The following EVC2 variants were observed in gnomAD, a reference collection of about 807,000 sequenced individuals.
The protein encoded by EVC2 is limbin.
EVC2 carries 148 observed loss-of-function variants against 149.3 expected under a neutral mutation model. That is an observed-to-expected ratio of 0.99 (90% confidence interval 0.87 to 1.14). The LOEUF (loss-of-function observed/expected upper bound fraction) is 1.14, where lower values mean the gene tolerates loss of function less well. Among genes scored for constraint, EVC2 ranks in the 50% most tolerant of loss-of-function variants. The pLI, the probability that EVC2 is intolerant of heterozygous loss-of-function variation, is 0.00. For missense variants in EVC2, 1,854 were observed against 1,627.3 expected, an observed-to-expected ratio of 1.14 and a Z score of -2.40; for synonymous variants, 776 against 649.9, an observed-to-expected ratio of 1.19 and a Z score of -2.95.
intron 17 of EVC2, among the ~76,000 whole-genome samples, chr4:5,582,434 GC>G (rs1355441705): frequency 6.6e-6 from 1 of 152,218 alleles, no homozygotes; most frequent in Non-Finnish European, 1.5e-5. Context: ...CTTGCCTGGG[GC>G]CTATAGCCCC....
At chr4:5,628,867 T>C in intron 11 of EVC2, 133 bp from the exon 12 acceptor site, 1 of 904,900 alleles carries the variant, frequency 1.1e-6, no homozygotes. Flanking sequence ...ATTAACACCT[T>C]TAACCTCCCT....
rs28708753 is a variant in EVC2 at position 5,544,608 on chromosome 4, C to A, written c.3420-1396G>T. On this transcript the variant is annotated intron_variant and NMD_transcript_variant, in intron 21 of 22. Coordinates refer to the EVC2 transcript ENST00000475313. Reference sequence around the variant, plus strand: ...GAGGGAAGAGTAGACTCCCATAATTCAAAAAAAATGAAACAGCTTCAGGAC... The same window carrying A: ...GAGGGAAGAGTAGACTCCCATAATTAAAAAAAAATGAAACAGCTTCAGGAC... Among the ~76,000 whole-genome samples the A allele has an allele frequency of 3.3e-3, 500 of 151,958 alleles. 3 individuals carry two copies. The highest frequency in any genetic ancestry group is 0.011 in the African/African-American group (461 of 41,460).
Position 5,696,080 on chromosome 4 carries a change from G to C in EVC2, c.283+1513C>G, listed in dbSNP as rs1721458936. ...CTCCACCAGGTGAGCGGCTGATTCAGAGCATCGGGAATGTCTGAGTAGAGC... is the reference window on the plus strand; with the variant it reads ...CTCCACCAGGTGAGCGGCTGATTCACAGCATCGGGAATGTCTGAGTAGAGC... On this transcript the variant is annotated intron_variant, in intron 2 of 21. Transcript: ENST00000344408. This position sits in a 1 kb window ranked among gnomAD's most constrained non-coding sequence, Gnocchi z 4.1. Among the ~76,000 whole-genome samples the C allele has an allele frequency of 6.6e-6, 1 of 152,152 alleles. No homozygotes were observed. Among genetic ancestry groups the C allele is most frequent in the African/African-American group, 2.4e-5 (1 of 41,436 alleles).
chr4:5,708,824 C>T (rs1722391614), upstream of EVC2: 2 of 282,318 alleles, frequency 7.1e-6, no homozygotes, highest in Admixed American at 1.1e-4. Flanking sequence ...TCCGCTACCG[C>T]CTACCTGGGT....
chr4:5,538,749 A>G (rs1293498529), downstream of EVC2, among the ~76,000 whole-genome samples: 2 of 152,320 alleles, frequency 1.3e-5, no homozygotes, highest in East Asian at 3.9e-4. Flanking sequence ...ATGGGGAAAA[A>G]GCATTTGACA....
rs540083631 is a variant in EVC2 at position 5,622,051 on chromosome 4, C to T, written c.2501+486G>A. Among the ~76,000 whole-genome samples the T allele has an allele frequency of 5.9e-5, 9 of 151,818 alleles. No homozygotes were observed. The highest frequency in any genetic ancestry group is 1.3e-4 in the Admixed American group (2 of 15,258). On this transcript the variant is annotated intron_variant, in intron 14 of 21. Coordinates refer to ENST00000344408, the MANE Select transcript of EVC2 (RefSeq NM_147127.5). This position sits in a 1 kb window ranked among gnomAD's most constrained non-coding sequence, Gnocchi z 5.8. The stretch of plus-strand genomic sequence containing the variant: ...ATGCAGTGTGGTGGAAGAACTAACA[C>T]GAAGGTCAAGATCATGAGCAGCCTT...
At chr4:5,559,537 A>T (rs1721899885), downstream of EVC2, among the ~76,000 whole-genome samples, 1 of 152,152 alleles carries the variant, frequency 6.6e-6, no homozygotes, top group Non-Finnish European at 1.5e-5. The surrounding 1 kb of genome is among the most constrained non-coding windows in gnomAD (Gnocchi z 5.0). Flanking sequence ...AGGGAATATA[A>T]ACGATGCGAA....
chr4:5,541,672 C>G (rs1050034845), downstream of EVC2, among the ~76,000 whole-genome samples: 3 of 152,134 alleles, frequency 2.0e-5, no homozygotes, highest in Non-Finnish European at 4.4e-5. Flanking sequence ...ACTCGGCATC[C>G]CAGGCCTCGC....
At chr4:5,532,138 C>T in the EVC2 span, among the ~76,000 whole-genome samples, 1 of 152,122 alleles carries the variant, frequency 6.6e-6, no homozygotes, top group East Asian at 1.9e-4. Context: ...TAGAGATTTA[C>T]TTTAAGGAGG....
chr4:5,646,745 T>C (rs754540718), intron 9 of EVC2, among the ~76,000 whole-genome samples: 1 of 152,194 alleles, frequency 6.6e-6, no homozygotes, highest in Non-Finnish European at 1.5e-5. Context: ...AAAACTTTTC[T>C]CAGCTTCCTG....
chr4:5,545,950 A>G (rs569070384), intron 21 of EVC2, among the ~76,000 whole-genome samples: 1 of 152,336 alleles, frequency 6.6e-6, no homozygotes, highest in East Asian at 1.9e-4. Flanking sequence ...GCAGCCACAA[A>G]ACACATGAAA....
At chr4:5,675,226 TAA>T (rs1719913145) in intron 7 of EVC2, among the ~76,000 whole-genome samples, 1 of 152,254 alleles carries the variant, frequency 6.6e-6, no homozygotes, top group South Asian at 2.1e-4. Context: ...GTGCTGTTTT[TAA>T]AGTTTGCAAC....
At chr4:5,697,555 C>G (rs752762633) in intron 2 of EVC2, 38 bp downstream of exon 2, 15 of 1,610,832 alleles carry the variant, frequency 9.3e-6, no homozygotes, top group South Asian at 2.2e-5. Flanking sequence ...GTTTTTCATG[C>G]TCAAAACAGG....
chr4:5,689,293 GT>G lies in EVC2; in HGVS notation c.569del (p.Asn190ThrfsTer88). The part of the protein sequence containing the change: ...AQTARIWLLV[N>X]NTKTTSSANL... ...TGGCTGACGAGGTTGTCTTGGTGTTGTTAACAAGCAGCCATATGCGGGCTGT... is the reference window on the plus strand; with the variant it reads ...TGGCTGACGAGGTTGTCTTGGTGTTGTAACAAGCAGCCATATGCGGGCTGT... On this transcript the variant is annotated frameshift_variant, in exon 5 of 22. Coordinates refer to ENST00000344408, the MANE Select transcript of EVC2 (RefSeq NM_147127.5). LOFTEE classifies it high-confidence loss of function. 6.2e-7 allele frequency: 1 copy of G among 1,614,176 alleles called. No individual in the cohort carries two copies. The highest frequency in any genetic ancestry group is 8.5e-7 in the Non-Finnish European group (1 of 1,180,044).
Position 5,640,934 on chromosome 4 carries a change from C to T in EVC2, c.1146-96G>A. On this transcript the variant is annotated intron_variant, in intron 9 of 21. Transcript: ENST00000344408. The surrounding 1 kb of genome is among the most constrained non-coding windows in gnomAD (Gnocchi z 4.6). ...TCTGAGGTTTTCATTTATGTGTAGG[C>T]AAGGGCTTTCTTCGTCTTCCTTTTC... The T allele has an allele frequency of 2.1e-6, 3 of 1,398,152 alleles. No individual in the cohort carries two copies. Among genetic ancestry groups the T allele is most frequent in the Non-Finnish European group, 3.0e-6 (3 of 993,558 alleles). The allele number at this position is 1,398,152 out of a possible 1,614,324, so 86.6% of individuals were successfully genotyped here.
At chr4:5,574,412 T>C (rs1378111339) in intron 19 of EVC2, among the ~76,000 whole-genome samples, 1 of 152,180 alleles carries the variant, frequency 6.6e-6, no homozygotes, top group Non-Finnish European at 1.5e-5. Context: ...TAGTTAAAGA[T>C]TGAGAAGAAG....
chr4:5,582,726 C>T (rs1711912361), intron 17 of EVC2, among the ~76,000 whole-genome samples: 1 of 151,924 alleles, frequency 6.6e-6, no homozygotes, highest in Admixed American at 6.6e-5. Context: ...AATTGTAATC[C>T]CCAATGTTGC....
rs536369306 is a variant in EVC2, at chr4:5,546,329, G to A, written c.3420-3117C>T. 1.0e-3 allele frequency among the ~76,000 whole-genome samples: 154 copies of A among 152,256 alleles called. 1 individual carries two copies. Among genetic ancestry groups the A allele is most frequent in the African/African-American group, 3.7e-3 (153 of 41,548 alleles). ...GGAACCAACCTAAATGTCCAACAACGATAGACTGGATTAAGGAAACGTGGC... is the reference window on the plus strand; with the variant it reads ...GGAACCAACCTAAATGTCCAACAACAATAGACTGGATTAAGGAAACGTGGC... On this transcript the variant is annotated intron_variant and NMD_transcript_variant, in intron 21 of 22. Transcript: ENST00000475313.
chr4:5,608,768 A>C (rs1171302557), intron 16 of EVC2, among the ~76,000 whole-genome samples: 3 of 151,944 alleles, frequency 2.0e-5, no homozygotes, highest in African/African-American at 7.3e-5. Context: ...TTTGACCTCA[A>C]GTGATTCACC....
Sources: allele counts gnomAD v4.1 joint callset (sites outside exome capture counted in the v4.1 genomes callset), GRCh38; gene constraint gnomAD v4.1.1; non-coding constraint Gnocchi (gnomAD v3.1); transcripts MANE v1.5; gene names NCBI Gene and HGNC (gene_info 2026-07-23, HGNC 2026-07-21).